GNAI1: variants seen among roughly 807,000 people sequenced by gnomAD.
The protein encoded by GNAI1 is guanine nucleotide-binding protein G(i) subunit alpha-1.
GNAI1 carries 11 observed loss-of-function variants against 38.9 expected under a neutral mutation model. The observed-to-expected ratio is 0.28, with a 90% CI of 0.18 to 0.47. The LOEUF is 0.47. Ranked by LOEUF, GNAI1 falls within the 20% of genes least tolerant of loss-of-function variation. GNAI1 has a pLI of 0.99. For missense variants in GNAI1, 317 were observed against 436.9 expected, an observed-to-expected ratio of 0.73 and a Z score of 2.45; for synonymous variants, 166 against 145.1, an observed-to-expected ratio of 1.14 and a Z score of -1.04.
chr7:80,193,037 A>G (rs1419442807), intron 3 of GNAI1, among the ~76,000 whole-genome samples: 1 of 151,196 alleles, frequency 6.6e-6, no homozygotes, highest in Non-Finnish European at 1.5e-5. Context: ...AATAATTATT[A>G]TTACATTACT....
chr7:80,212,511 G>A (rs1049169619), intron 6 of GNAI1, among the ~76,000 whole-genome samples: 1 of 152,174 alleles, frequency 6.6e-6, no homozygotes, highest in African/African-American at 2.4e-5. Context: ...GCAAGTAAAA[G>A]TTGAATGCAA....
intron 4 of GNAI1, among the ~76,000 whole-genome samples, chr7:80,203,320 A>G (rs1169619708): frequency 6.6e-6 from 1 of 152,168 alleles, no homozygotes; most frequent in East Asian, 1.9e-4. Flanking sequence ...AAAAAGAATG[A>G]TGTCTGGATC....
chr7:80,187,919 T>C (rs1788416475), intron 1 of GNAI1, among the ~76,000 whole-genome samples: 1 of 152,160 alleles, frequency 6.6e-6, no homozygotes, highest in Admixed American at 6.5e-5. Context: ...AGGGCCTGAT[T>C]TTGTAAACTG....
At position 80,219,081 on chromosome 7, in the gene GNAI1, T is replaced by C. The variant is rs568425883; in HGVS notation, c.*1588T>C. On this transcript the variant is annotated 3_prime_UTR_variant, in exon 8 of 8. Transcript: ENST00000649796. Reference sequence around the variant, plus strand: ...TGTGTAACCATAAACTATATTCATATCTGTTTCATTTGGAGGATTTTCTTC... The same window carrying C: ...TGTGTAACCATAAACTATATTCATACCTGTTTCATTTGGAGGATTTTCTTC... The C allele has an allele frequency of 2.6e-5, 4 of 151,126 alleles. No homozygotes were observed. The highest frequency in any genetic ancestry group is 9.8e-5 in the African/African-American group (4 of 40,904). 9.4% of individuals were successfully genotyped at this position (151,126 alleles called of 1,614,324 possible).
At chr7:80,171,121 T>A (rs1788092011) in intron 1 of GNAI1, among the ~76,000 whole-genome samples, 1 of 152,314 alleles carries the variant, frequency 6.6e-6, no homozygotes, top group South Asian at 2.1e-4. Flanking sequence ...TTCCTTCTCT[T>A]ACAGCTCATC....
chr7:80,176,972 G>A (rs889797460), intron 1 of GNAI1, among the ~76,000 whole-genome samples: 1 of 146,416 alleles, frequency 6.8e-6, no homozygotes, highest in African/African-American at 2.5e-5. Context: ...TACTAAGTCT[G>A]CTGTGCCTGT....
intron 1 of GNAI1, chr7:80,187,404 T>C (rs1788407622): frequency 6.6e-6 from 1 of 152,132 alleles, no homozygotes; most frequent in African/African-American, 2.4e-5. Context: ...AATACAAACA[T>C]GTGCAAAGTG....
intron 5 of GNAI1, among the ~76,000 whole-genome samples, chr7:80,206,999 A>T (rs1475762584): frequency 6.6e-6 from 1 of 152,092 alleles, no homozygotes; most frequent in Non-Finnish European, 1.5e-5. Flanking sequence ...GAGCTACTGT[A>T]TTTCTAACCA....
chr7:80,143,678 C>T (rs1358317170), intron 1 of GNAI1, among the ~76,000 whole-genome samples: 1 of 151,974 alleles, frequency 6.6e-6, no homozygotes, highest in Non-Finnish European at 1.5e-5. Context: ...TCAGTTTTTT[C>T]TTCTATAAAT....
In GNAI1 at chr7:80,222,223, C is replaced by T. The variant is rs1274047168; in HGVS notation, c.*4730C>T. ...TTGTCCAAGCCAGAGCTGATTAGGC[C>T]TCAACTGGAATAGTCCCACCATGTA... On this transcript the variant is annotated 3_prime_UTR_variant, in exon 8 of 8. Transcript: ENST00000649796. 6.6e-6 allele frequency among the ~76,000 whole-genome samples: 1 copy of T among 151,994 alleles called. No homozygotes were observed. The highest frequency in any genetic ancestry group is 1.9e-4 in the East Asian group (1 of 5,176).
intron 1 of GNAI1, among the ~76,000 whole-genome samples, chr7:80,159,880 T>C (rs1787889365): frequency 1.3e-5 from 2 of 152,110 alleles, no homozygotes; most frequent in Non-Finnish European, 2.9e-5. Flanking sequence ...ACACATCTCA[T>C]AGGGATTGCG....
intron 3 of GNAI1, among the ~76,000 whole-genome samples, chr7:80,189,820 A>G (rs902369411): frequency 1.3e-5 from 2 of 152,196 alleles, no homozygotes; most frequent in African/African-American, 4.8e-5. Flanking sequence ...TACATGGTAC[A>G]GAGATTGCCA....
At chr7:80,143,643 G>A (rs1199836736) in intron 1 of GNAI1, among the ~76,000 whole-genome samples, 1 of 151,954 alleles carries the variant, frequency 6.6e-6, no homozygotes, top group Non-Finnish European at 1.5e-5. Context: ...TGAGACCTTG[G>A]GCAAGTTACC....
chr7:80,193,046 C>A (rs1216093080), intron 3 of GNAI1, among the ~76,000 whole-genome samples: 3 of 151,694 alleles, frequency 2.0e-5, no homozygotes, highest in African/African-American at 7.3e-5. Flanking sequence ...TATTACATTA[C>A]TGTCATTCTA....
At position 80,220,031 on chromosome 7, in the gene GNAI1, A is replaced by G. The variant is rs1275603965; in HGVS notation, c.*2538A>G. Among the ~76,000 whole-genome samples, 1 of 152,214 alleles carries G rather than the reference A, an allele frequency of 6.6e-6. No homozygotes were observed. Among genetic ancestry groups the G allele is most frequent in the Non-Finnish European group, 1.5e-5 (1 of 68,042 alleles). On this transcript the variant is annotated 3_prime_UTR_variant, in exon 8 of 8. Coordinates refer to ENST00000649796, the MANE Select transcript of GNAI1 (RefSeq NM_002069.6). ...CCACCTCCCATTTCTCTCTTCTCGA[A>G]AAACCCAGGTTAGTTATCCTAATGT...
In GNAI1 at chr7:80,202,102, G is replaced by GT. The variant is rs1343081249; in HGVS notation, c.462-1596dup. Among the ~76,000 whole-genome samples, 4 of 151,660 alleles carry GT rather than the reference G, an allele frequency of 2.6e-5. No homozygotes were observed. The East Asian group carries it at 5.8e-4, about 22-fold the overall frequency. ...TGTTGTTGTTGTTTCTGGTTTTTTT[G>GT]TTTTTTGAGATGGAGTCGGGCTTTG... On this transcript the variant is annotated intron_variant, in intron 4 of 7. Coordinates refer to ENST00000649796, the MANE Select transcript of GNAI1 (RefSeq NM_002069.6).
intron 7 of GNAI1, among the ~76,000 whole-genome samples, chr7:80,215,151 C>T (rs1788938906): frequency 6.6e-6 from 1 of 152,142 alleles, no homozygotes; most frequent in Non-Finnish European, 1.5e-5. Context: ...TTCTATCACA[C>T]ATTAAAAAAC....
intron 3 of GNAI1, among the ~76,000 whole-genome samples, chr7:80,196,830 A>G (rs2115659867): frequency 6.6e-6 from 1 of 152,042 alleles, no homozygotes; most frequent in African/African-American, 2.4e-5. Flanking sequence ...GAGCTTTACA[A>G]CTTGATGTTA....
intron 1 of GNAI1, among the ~76,000 whole-genome samples, chr7:80,171,237 T>C (rs531811777): frequency 3.9e-5 from 6 of 152,344 alleles, no homozygotes; most frequent in African/African-American, 1.4e-4. Flanking sequence ...TTTATCCTCA[T>C]TAAAAAATCC....
Sources: allele counts gnomAD v4.1 joint callset (sites outside exome capture counted in the v4.1 genomes callset), GRCh38; gene constraint gnomAD v4.1.1; transcripts MANE v1.5; gene names NCBI Gene and HGNC (gene_info 2026-07-23, HGNC 2026-07-21).